Variants in DLGAP1 observed in about 807,000 individuals in gnomAD.
DLGAP1 encodes the protein DLG associated protein 1.
In DLGAP1, 11 loss-of-function variants were observed where a neutral mutation model predicts 90.8. The ratio of observed to expected loss-of-function variants is 0.12; its 90% CI spans 0.08 to 0.20. The LOEUF is 0.20. Ranked by LOEUF, DLGAP1 falls within the 10% of genes least tolerant of loss-of-function variation. The pLI is 1.00. For missense variants in DLGAP1, 1,050 were observed against 1,333.8 expected, an observed-to-expected ratio of 0.79 and a Z score of 3.31; for synonymous variants, 558 against 540.7, an observed-to-expected ratio of 1.03 and a Z score of -0.44.
At chr18:3,995,846 T>C (rs2074059271) in intron 3 of DLGAP1, 1 of 152,144 alleles carries the variant, frequency 6.6e-6, no homozygotes, top group African/African-American at 2.4e-5. Flanking sequence ...TTTATTTATT[T>C]ATCCCAATAA....
chr18:4,072,001 T>C (rs181166800), intron 2 of DLGAP1, among the ~76,000 whole-genome samples: 5 of 152,350 alleles, frequency 3.3e-5, no homozygotes, highest in African/African-American at 1.2e-4. Flanking sequence ...TGTGCTCATA[T>C]ATGTGTGTCT....
intron 4 of DLGAP1, among the ~76,000 whole-genome samples, chr18:3,824,045 G>A (rs2067576194): frequency 6.7e-6 from 1 of 150,176 alleles, no homozygotes; most frequent in Admixed American, 6.7e-5. Flanking sequence ...CTAACTTAGA[G>A]CCCCTTTTTA....
At position 3,870,227 on chromosome 18, in the gene DLGAP1, G is replaced by A. The variant is rs139893327; in HGVS notation, c.957+8885C>T. On this transcript the variant is annotated intron_variant, in intron 4 of 12. Coordinates refer to ENST00000315677, the MANE Select transcript of DLGAP1 (RefSeq NM_004746.4). ...TCCTCATTTTATAGACACTCTCAAGGTGATTCTTGTGCACATAAAATTAAG... is the reference window on the plus strand; with the variant it reads ...TCCTCATTTTATAGACACTCTCAAGATGATTCTTGTGCACATAAAATTAAG... 8.2e-4 allele frequency among the ~76,000 whole-genome samples: 125 copies of A among 152,228 alleles called. No homozygotes were observed. The East Asian group carries it at 0.02, about 24-fold the overall frequency.
chr18:3,887,043 T>G (rs2071335524), intron 3 of DLGAP1, among the ~76,000 whole-genome samples: 1 of 152,206 alleles, frequency 6.6e-6, no homozygotes, highest in Non-Finnish European at 1.5e-5. Flanking sequence ...GCATTTTGTT[T>G]AGTCGAGAGA....
chr18:4,087,467 A>ACCCATCCCTTTATTTCAG (rs1418514846), intron 2 of DLGAP1, among the ~76,000 whole-genome samples: 1 of 152,200 alleles, frequency 6.6e-6, no homozygotes, highest in Non-Finnish European at 1.5e-5. Context: ...AACTAGCCAG[A>ACCCATCCCTTTATTTCAG]CCCATCCCTT....
intron 2 of DLGAP1, among the ~76,000 whole-genome samples, chr18:4,050,453 T>C (rs2075117566): frequency 6.6e-6 from 1 of 152,224 alleles, no homozygotes; most frequent in Non-Finnish European, 1.5e-5. Context: ...CATCCTCACT[T>C]CATGGAACAA....
At chr18:3,684,811 A>AAGG (rs2060640561) in intron 7 of DLGAP1, among the ~76,000 whole-genome samples, 1 of 152,214 alleles carries the variant, frequency 6.6e-6, no homozygotes, top group Non-Finnish European at 1.5e-5. Context: ...CTGTATGTAA[A>AAGG]AGGTCATCAT....
intron 1 of DLGAP1, among the ~76,000 whole-genome samples, chr18:4,361,158 A>G (rs1161326154): frequency 6.6e-6 from 1 of 152,188 alleles, no homozygotes; most frequent in Non-Finnish European, 1.5e-5. Context: ...TAAGAAATTA[A>G]TATCTTAATA....
chr18:3,999,357 T>C lies in DLGAP1; in HGVS notation c.-73+5759A>G, dbSNP rs563944391. On this transcript the variant is annotated intron_variant, in intron 3 of 12. Transcript: ENST00000315677. ...TTTGCTTTGTTAGGTAATCTGGAAA[T>C]ATTTTTATAAATGTAAATTTAATCA... Among the ~76,000 whole-genome samples the C allele has an allele frequency of 1.9e-4, 29 of 152,254 alleles. No homozygotes were observed. The South Asian group carries it at 5.0e-3, about 26-fold the overall frequency.
intron 1 of DLGAP1, among the ~76,000 whole-genome samples, chr18:4,372,914 C>T (rs768209174): frequency 1.3e-4 from 20 of 150,206 alleles, no homozygotes; most frequent in Admixed American, 6.6e-5. Context: ...GGCCACAGAG[C>T]GAGACTCCAT....
At chr18:3,939,406 G>A (rs1282999595) in intron 3 of DLGAP1, among the ~76,000 whole-genome samples, 2 of 99,340 alleles carry the variant, frequency 2.0e-5, no homozygotes, top group Admixed American at 1.3e-4. Context: ...GACAGAGTGA[G>A]ATTCTGTCTC....
At chr18:3,577,711 A>G (rs972737232) in intron 8 of DLGAP1, among the ~76,000 whole-genome samples, 20 of 152,218 alleles carry the variant, frequency 1.3e-4, no homozygotes, top group African/African-American at 4.1e-4. Flanking sequence ...ATTTGCATCA[A>G]GTATTAGCAT....
intron 5 of DLGAP1, among the ~76,000 whole-genome samples, chr18:3,753,248 A>T (rs1205564873): frequency 2.0e-5 from 3 of 152,148 alleles, no homozygotes; most frequent in Non-Finnish European, 4.4e-5. Flanking sequence ...TAACTTGGGG[A>T]TATGCCCATT....
chr18:4,201,955 C>A (rs1417279013), intron 1 of DLGAP1, among the ~76,000 whole-genome samples: 1 of 152,048 alleles, frequency 6.6e-6, no homozygotes, highest in Non-Finnish European at 1.5e-5. Context: ...ACCATTTGAT[C>A]CAGCAACTCC....
chr18:4,191,667 C>T (rs192281022), intron 1 of DLGAP1, among the ~76,000 whole-genome samples: 16 of 152,254 alleles, frequency 1.1e-4, no homozygotes, highest in Admixed American at 8.5e-4. Flanking sequence ...CTCTTTTCTC[C>T]CCTCCTCTGT....
At chr18:4,211,932 T>C (rs941622099) in intron 1 of DLGAP1, among the ~76,000 whole-genome samples, 51 of 152,290 alleles carry the variant, frequency 3.3e-4, no homozygotes, top group African/African-American at 1.2e-3. Flanking sequence ...CAGGAGAGAA[T>C]GCAAGCAGCT....
At position 3,711,531 on chromosome 18, in the gene DLGAP1, TGTG is replaced by T. The variant is rs1567997733; in HGVS notation, c.1591+17601_1591+17603del. On this transcript the variant is annotated intron_variant, in intron 7 of 12. Transcript: ENST00000315677. This position sits in a 1 kb window ranked among gnomAD's most constrained non-coding sequence, Gnocchi z 4.0. The stretch of plus-strand genomic sequence containing the variant: ...CACCCAGATCATCAGCTGTGTTGAC[TGTG>T]GTGAGGAATAAGACAGAAATCCAGC... 1.3e-5 allele frequency among the ~76,000 whole-genome samples: 2 copies of T among 152,124 alleles called. No homozygotes were observed. Among genetic ancestry groups the T allele is most frequent in the African/African-American group, 4.8e-5 (2 of 41,442 alleles).
intron 7 of DLGAP1, among the ~76,000 whole-genome samples, chr18:3,593,516 T>A (rs926697533): frequency 6.6e-6 from 1 of 152,078 alleles, no homozygotes; most frequent in African/African-American, 2.4e-5. Flanking sequence ...CCCAGTTACA[T>A]CCTCCACGGA....
intron 1 of DLGAP1, among the ~76,000 whole-genome samples, chr18:4,178,364 T>C (rs2077151798): frequency 1.3e-5 from 2 of 151,878 alleles, no homozygotes; most frequent in South Asian, 2.1e-4. Context: ...CACACCACTA[T>C]ATATTTTTTT....
Sources: allele counts gnomAD v4.1 joint callset (sites outside exome capture counted in the v4.1 genomes callset), GRCh38; gene constraint gnomAD v4.1.1; non-coding constraint Gnocchi (gnomAD v3.1); transcripts MANE v1.5; gene names NCBI Gene and HGNC (gene_info 2026-07-23, HGNC 2026-07-21).